The following HLA-DPB1 variants were observed in gnomAD, a reference collection of about 807,000 sequenced individuals.
HLA-DPB1 encodes major histocompatibility complex, class II, DP beta 1, also known as HLA class II histocompatibility antigen, DP beta 1 chain.
A neutral mutation model predicts 29.4 loss-of-function variants in HLA-DPB1; 30 were observed. The observed-to-expected ratio is 1.02, with a 90% CI of 0.76 to 1.38. The LOEUF is 1.38. HLA-DPB1 is among the 40% of genes most tolerant of loss of function. The pLI, the probability that HLA-DPB1 is intolerant of heterozygous loss-of-function variation, is 0.00. For missense variants in HLA-DPB1, 261 were observed against 327.5 expected (o/e 0.80, Z 1.57); for synonymous variants, 114 against 134.0 (o/e 0.85, Z 1.03).
In HLA-DPB1 at chr6:33,080,716, G is replaced by A. The variant is rs1762799257; in HGVS notation, c.145G>A (p.Gly49Arg). The part of the protein sequence containing the change: ...QGRQECYAFN[G>R]TQRFLERYIY... ...ACGGCAGGAATGCTACGCGTTTAATGGGACACAGCGCTTCCTGGAGAGATA... is the reference window on the plus strand; with the variant it reads ...ACGGCAGGAATGCTACGCGTTTAATAGGACACAGCGCTTCCTGGAGAGATA... The change falls in exon 2 of 6, where the codon GGG becomes AGG. Residue 49 changes from glycine (G) to arginine (R), a missense_variant. Gly to Arg is a moderately radical substitution (Grantham distance 125). Coordinates refer to ENST00000418931, the MANE Select transcript of HLA-DPB1 (RefSeq NM_002121.6). This position sits in a 1 kb window ranked among gnomAD's most constrained non-coding sequence, Gnocchi z 4.3. The A allele has an allele frequency of 6.2e-7, 1 of 1,613,458 alleles. No homozygotes were observed.
chr6:33,085,181 C>T lies in HLA-DPB1; in HGVS notation c.596C>T (p.Thr199Ile), dbSNP rs1042335. The T allele has an allele frequency of 0.32, 502,553 of 1,592,492 alleles. 87,514 individuals are homozygous for T. Among genetic ancestry groups the T allele is most frequent in the East Asian group, 0.6 (26,962 of 44,740 alleles). The change falls in exon 3 of 6, where the codon ACC (threonine) becomes ATC (isoleucine). Residue 199 changes from threonine (T) to isoleucine (I), a missense_variant. Coordinates refer to ENST00000418931, the MANE Select transcript of HLA-DPB1 (RefSeq NM_002121.6). The stretch of plus-strand genomic sequence containing the variant: ...ACCCCCCAGCAGGGAGATGTCTACA[C>T]CTGCCAAGTGGAGCACACCAGCCTG... ...EMTPQQGDVYTCQVEHTSLDS... is the reference protein window; with the variant it reads ...EMTPQQGDVYICQVEHTSLDS...
At chr6:33,083,280 TTTGTGTTC>T (rs1762954486) in intron 2 of HLA-DPB1, among the ~76,000 whole-genome samples, 1 of 152,162 alleles carries the variant, frequency 6.6e-6, no homozygotes, top group African/African-American at 2.4e-5. Context: ...TGTTAGGGTA[TTTGTGTTC>T]TCCAGGAAGT....
rs1228643608 is a variant in HLA-DPB1, at chr6:33,086,307, A to G, written c.*4+65A>G. ...AGGAGGATATGAGTCCTTTCTGTGC[A>G]TTGTAACACTGAGGCTCCTCCAGGA... is the stretch of plus-strand genomic sequence containing the variant. On this transcript the variant is annotated intron_variant, in intron 5 of 5. Transcript: ENST00000418931. The G allele has an allele frequency of 2.5e-6, 3 of 1,218,858 alleles. No homozygotes were observed. In the East Asian group the frequency reaches 7.1e-5, roughly 29 times the overall value. 75.5% of individuals were successfully genotyped at this position (1,218,858 alleles called of 1,614,324 possible). A position where few individuals can be genotyped will look rare whatever the true frequency, so the allele number is the denominator to read the frequency against.
rs532241225 is a variant in HLA-DPB1, at chr6:33,086,583, A to T, written c.*49A>T. On this transcript the variant is annotated 3_prime_UTR_variant, in exon 6 of 6. Transcript: ENST00000418931. ...AAGACTATTGTGCCTTAGGAAAAGC[A>T]TTTGCTGTGTTTCGTTAGCATCTGG... The T allele has an allele frequency of 1.4e-5, 8 of 579,040 alleles. No individual in the cohort carries two copies. The East Asian group carries it at 4.0e-4, about 29-fold the overall frequency. 35.9% of individuals were successfully genotyped at this position (579,040 alleles called of 1,614,324 possible). A position where few individuals can be genotyped will look rare whatever the true frequency, so the allele number is the denominator to read the frequency against.
In HLA-DPB1 at chr6:33,080,420, TC is replaced by T. The variant is rs201451888; in HGVS notation, c.101-249del. The T allele has an allele frequency of 0.012, 8,255 of 686,814 alleles. 148 individuals are homozygous for T. The highest frequency in any genetic ancestry group is 0.065 in the African/African-American group (3,680 of 56,512). 42.5% of individuals were successfully genotyped at this position (686,814 alleles called of 1,614,324 possible). ...CTGCCTTCCCCTCAGTGCTCGCCCC[TC>T]CCTAGTGATCACTCAGTGCCCCTGA... is the stretch of plus-strand genomic sequence containing the variant. On this transcript the variant is annotated intron_variant, in intron 1 of 5. Coordinates refer to ENST00000418931, the MANE Select transcript of HLA-DPB1 (RefSeq NM_002121.6). This position sits in a 1 kb window ranked among gnomAD's most constrained non-coding sequence, Gnocchi z 4.3.
Position 33,086,549 on chromosome 6 carries a change from C to A in HLA-DPB1, c.*15C>A. ...CTTTTACCCCCACAGGGTTCCTGAG[C>A]TCACTGAAAAGACTATTGTGCCTTA... On this transcript the variant is annotated 3_prime_UTR_variant, in exon 6 of 6. Coordinates refer to ENST00000418931, the MANE Select transcript of HLA-DPB1 (RefSeq NM_002121.6). 1 of 637,524 alleles carries A rather than the reference C, an allele frequency of 1.6e-6. No homozygotes were observed. Among genetic ancestry groups the A allele is most frequent in the Non-Finnish European group, 2.9e-6 (1 of 340,188 alleles). 39.5% of individuals were successfully genotyped at this position (637,524 alleles called of 1,614,324 possible). A position where few individuals can be genotyped will look rare whatever the true frequency, so the allele number is the denominator to read the frequency against.
At chr6:33,079,812 C>G (rs553660574) in intron 1 of HLA-DPB1, 21 of 456,854 alleles carry the variant, frequency 4.6e-5, no homozygotes, top group Admixed American at 1.9e-4. Flanking sequence ...AGCCGGCCAT[C>G]AGAGTCACCA....
chr6:33,088,355 G>A lies in HLA-DPB1; in HGVS notation c.*1821G>A, dbSNP rs1237300712. 6.8e-6 allele frequency among the ~76,000 whole-genome samples: 1 copy of A among 148,060 alleles called. No individual in the cohort carries two copies. Among genetic ancestry groups the A allele is most frequent in the Non-Finnish European group, 1.5e-5 (1 of 66,806 alleles). On this transcript the variant is annotated 3_prime_UTR_variant, in exon 6 of 6. Transcript: ENST00000418931. ...ATGTTACAGGTTAGGGCAGTACCCC[G>A]AGTGGAGTGAACAATCTCTGGACTA... is the stretch of plus-strand genomic sequence containing the variant.
Position 33,087,677 on chromosome 6 carries a change from T to C in HLA-DPB1, c.*1143T>C, listed in dbSNP as rs1346278275. 2.6e-5 allele frequency among the ~76,000 whole-genome samples: 4 copies of C among 152,166 alleles called. No individual in the cohort carries two copies. Among genetic ancestry groups the C allele is most frequent in the Non-Finnish European group, 5.9e-5 (4 of 68,024 alleles). On this transcript the variant is annotated 3_prime_UTR_variant, in exon 6 of 6. Transcript: ENST00000418931. Reference sequence around the variant, plus strand: ...GGTCAATTCCCGAAAGCTACTGTGCTCCTCTTGCCCATCTCCCCTTGCAAA... The same window carrying C: ...GGTCAATTCCCGAAAGCTACTGTGCCCCTCTTGCCCATCTCCCCTTGCAAA...
At chr6:33,078,749 A>T (rs1394234358) in intron 1 of HLA-DPB1, among the ~76,000 whole-genome samples, 2 of 152,234 alleles carry the variant, frequency 1.3e-5, no homozygotes, top group East Asian at 1.9e-4. Context: ...TGGGTAAATT[A>T]AAAAAATTAA....
chr6:33,080,645 C>T lies in HLA-DPB1; in HGVS notation c.101-27C>T. ...AGAGGATTAGATGAGAGTGGCGCCT[C>T]CGCTCATGTCCGCCCCCTCCCCGCA... is the stretch of plus-strand genomic sequence containing the variant. On this transcript the variant is annotated intron_variant, in intron 1 of 5. Transcript: ENST00000418931. This position sits in a 1 kb window ranked among gnomAD's most constrained non-coding sequence, Gnocchi z 4.3. 1 of 1,612,082 alleles carries T rather than the reference C, an allele frequency of 6.2e-7. No individual in the cohort carries two copies. The highest frequency in any genetic ancestry group is 8.5e-7 in the Non-Finnish European group (1 of 1,179,178).
intron 1 of HLA-DPB1, among the ~76,000 whole-genome samples, chr6:33,077,531 C>T (rs1366956237): frequency 1.3e-5 from 2 of 152,018 alleles, no homozygotes; most frequent in African/African-American, 2.4e-5. Flanking sequence ...GTTAAAATGG[C>T]GATCATTAAA....
Position 33,080,349 on chromosome 6 carries a change from C to G in HLA-DPB1, c.101-323C>G, listed in dbSNP as rs912001748. 5.6e-6 allele frequency: 3 copies of G among 540,292 alleles called. No homozygotes were observed. The highest frequency in any genetic ancestry group is 1.1e-5 in the Non-Finnish European group (3 of 275,974). 33.5% of individuals were successfully genotyped at this position (540,292 alleles called of 1,614,324 possible). ...CCGCCCCTGTTTTTTCTCCCAGTGA[C>G]CCCACGTGAAACGTCTCCGCCTCCT... is the stretch of plus-strand genomic sequence containing the variant. On this transcript the variant is annotated intron_variant, in intron 1 of 5. Coordinates refer to ENST00000418931, the MANE Select transcript of HLA-DPB1 (RefSeq NM_002121.6). This position sits in a 1 kb window ranked among gnomAD's most constrained non-coding sequence, Gnocchi z 4.3.
rs1762777132 is a variant in HLA-DPB1 at position 33,080,471 on chromosome 6, T to C, written c.101-201T>C. 3 of 763,370 alleles carry C rather than the reference T, an allele frequency of 3.9e-6. No homozygotes were observed. Among genetic ancestry groups the C allele is most frequent in the Non-Finnish European group, 4.6e-6 (2 of 430,474 alleles). The allele number at this position is 763,370 out of a possible 1,614,324, so 47.3% of individuals were successfully genotyped here. ...AGCTCATTCTTTTCAGTAAATTCTC[T>C]CTCTGCGTGGTGAGAAAACAGGCCT... On this transcript the variant is annotated intron_variant, in intron 1 of 5. Transcript: ENST00000418931. The surrounding 1 kb of genome is among the most constrained non-coding windows in gnomAD (Gnocchi z 4.3).
intron 2 of HLA-DPB1, among the ~76,000 whole-genome samples, chr6:33,082,363 C>A (rs1762908885): frequency 6.6e-6 from 1 of 151,942 alleles, no homozygotes; most frequent in African/African-American, 2.4e-5. Context: ...TCCCCAACCT[C>A]ACTCCTCTGA....
Position 33,088,382 on chromosome 6 carries a change from C to T in HLA-DPB1, c.*1848C>T, listed in dbSNP as rs912647818. Among the ~76,000 whole-genome samples the T allele has an allele frequency of 1.2e-5, 1 of 85,716 alleles. No homozygotes were observed. The highest frequency in any genetic ancestry group is 2.6e-5 in the Non-Finnish European group (1 of 38,758). 56.2% of individuals were successfully genotyped at this position (85,716 alleles called of 152,430 possible). On this transcript the variant is annotated 3_prime_UTR_variant, in exon 6 of 6. Coordinates refer to ENST00000418931, the MANE Select transcript of HLA-DPB1 (RefSeq NM_002121.6). ...GTGGAGTGAACAATCTCTGGACTAA[C>T]ACTTGTCAGGATCAGAAGCTGAGGT... is the stretch of plus-strand genomic sequence containing the variant.
intron 4 of HLA-DPB1, 54 bp from the exon 5 acceptor site, chr6:33,086,165 T>C (rs9277489): frequency 0.19 from 254,891 of 1,338,954 alleles, 31,333 homozygotes; most frequent in East Asian, 0.59. Flanking sequence ...GTTTCTCTAA[T>C]TATCTGAGGT....
intron 1 of HLA-DPB1, chr6:33,079,823 A>T (rs1762740784): frequency 2.3e-6 from 1 of 444,376 alleles, no homozygotes; most frequent in East Asian, 6.2e-5. Context: ...AGAGTCACCA[A>T]CCCCAGTACC....
Position 33,076,139 on chromosome 6 carries a change from CAGGTAAGAGCCGAACTGCCATTCTTGG to C in HLA-DPB1, c.100+2_100+28del. 6.2e-7 allele frequency: 1 copy of C among 1,600,858 alleles called. No individual in the cohort carries two copies. Among genetic ancestry groups the C allele is most frequent in the Non-Finnish European group, 8.5e-7 (1 of 1,171,400 alleles). On this transcript the variant is annotated splice_donor_variant and splice_donor_5th_base_variant and coding_sequence_variant and intron_variant, in exon 1 of 6. Transcript: ENST00000418931. LOFTEE classifies it high-confidence loss of function. ...TCTGTGGTCCAGGGCAGGGCCACTC[CAGGTAAGAGCCGAACTGCCATTCTTGG>C]AGGGTCTGGCTCAGGGAACAATTCC...
Sources: allele counts gnomAD v4.1 joint callset (sites outside exome capture counted in the v4.1 genomes callset), GRCh38; gene constraint gnomAD v4.1.1; non-coding constraint Gnocchi (gnomAD v3.1); transcripts MANE v1.5; gene names NCBI Gene and HGNC (gene_info 2026-07-23, HGNC 2026-07-21).